SIAE: variants seen among roughly 807,000 people sequenced by gnomAD.
SIAE encodes the protein sialate O-acetylesterase.
SIAE carries 39 observed loss-of-function variants against 52.6 expected under a neutral mutation model. The ratio of observed to expected loss-of-function variants is 0.74; its 90% confidence interval spans 0.57 to 0.97. The LOEUF (loss-of-function observed/expected upper bound fraction) is 0.97. Ranked by LOEUF, SIAE falls within the 50% of genes least tolerant of loss-of-function variation. The pLI, the probability that SIAE is intolerant of heterozygous loss-of-function variation, is 0.00. For missense variants in SIAE, 592 were observed against 662.1 expected (o/e 0.89, Z 1.16); for synonymous variants, 233 against 241.4 (o/e 0.97, Z 0.32).
intron 1 of SIAE, 40 bp downstream of exon 1, chr11:124,673,602 G>T (rs377130164): frequency 3.7e-6 from 6 of 1,602,870 alleles, no homozygotes; most frequent in Non-Finnish European, 5.1e-6. Flanking sequence ...AGCCCGCACA[G>T]GCTGAGGGGC....
intron 3 of SIAE, chr11:124,659,874 CAT>C (rs1943160680): frequency 2.0e-5 from 3 of 152,058 alleles, no homozygotes; most frequent in Non-Finnish European, 2.9e-5. Context: ...AACAATAAAT[CAT>C]AGAGTATACA....
intron 6 of SIAE, among the ~76,000 whole-genome samples, 161 bp from the exon 7 acceptor site, chr11:124,647,659 AC>A (rs1466120687): frequency 6.6e-6 from 1 of 152,154 alleles, no homozygotes; most frequent in East Asian, 1.9e-4. Flanking sequence ...TGTGGTACGA[AC>A]AGAGGCTTGA....
rs1942759580 is a variant in SIAE, at chr11:124,637,116, A to C, written c.1407T>G (p.Asp469Glu). The change falls in exon 10 of 10, where the codon GAT becomes GAG. Residue 469 changes from aspartate (D) to glutamate (E), a missense_variant. Physicochemically the swap from Asp to Glu is conservative, Grantham distance 45. Transcript: ENST00000263593. ...GAGCAACCACAGTGCCATGACAAGA[A>C]TCGATCGCCAGGGTCAGGGACTGGG... ...VSTQSLTLAI[D>E]SCHGTVVALR... 2 of 1,614,084 alleles carry C rather than the reference A, an allele frequency of 1.2e-6. No individual in the cohort carries two copies. The highest frequency in any genetic ancestry group is 1.3e-5 in the African/African-American group (1 of 74,926).
In SIAE at chr11:124,647,941, C is replaced by G. The variant is rs958986606; in HGVS notation, c.832+125G>C. ...AGACATAAAAACTACCCTGCTCACC[C>G]ACAGAACAGTGAGCTGAATAAAATT... On this transcript the variant is annotated intron_variant, in intron 6 of 9. Coordinates refer to ENST00000263593, the MANE Select transcript of SIAE (RefSeq NM_170601.5). 5.0e-5 allele frequency: 40 copies of G among 807,602 alleles called. 1 individual carries two copies. The South Asian group carries it at 5.6e-4, about 11-fold the overall frequency. The allele number at this position is 807,602 out of a possible 1,614,324, so 50.0% of individuals were successfully genotyped here.
At chr11:124,672,167 C>A (rs986443183) in intron 1 of SIAE, among the ~76,000 whole-genome samples, 1 of 152,184 alleles carries the variant, frequency 6.6e-6, no homozygotes, top group Admixed American at 6.5e-5. Context: ...CCCACCTCAG[C>A]CTCCCAAAGT....
At chr11:124,674,773 G>A (rs2134402866), upstream of SIAE, 1 of 153,942 alleles carries the variant, frequency 6.5e-6, no homozygotes, top group Admixed American at 6.5e-5. Flanking sequence ...TGGCAGCAAG[G>A]GGAAAGATTG....
chr11:124,673,522 A>T, intron 1 of SIAE, 120 bp downstream of exon 1: 2 of 1,195,470 alleles, frequency 1.7e-6, no homozygotes, highest in Non-Finnish European at 2.4e-6. Context: ...CCCCTAGCCT[A>T]GCTAGGTTCC....
At position 124,642,671 on chromosome 11, in the gene SIAE, T is replaced by C. The variant is rs182237923; in HGVS notation, c.967-2804A>G. ...GTGGTAGGGGGAACTCGTAATTTGA[T>C]TCTAACCAATAGGCTATGGCAAAGG... On this transcript the variant is annotated intron_variant, in intron 7 of 9. Transcript: ENST00000263593. Among the ~76,000 whole-genome samples, 3 of 152,316 alleles carry C rather than the reference T, an allele frequency of 2.0e-5. No homozygotes were observed. The East Asian group carries it at 5.8e-4, about 29-fold the overall frequency.
chr11:124,669,527 A>T lies in SIAE; in HGVS notation c.68-6T>A, dbSNP rs1280488577. On this transcript the variant is annotated splice_polypyrimidine_tract_variant and splice_region_variant and intron_variant, in intron 1 of 9. Coordinates refer to ENST00000263593, the MANE Select transcript of SIAE (RefSeq NM_170601.5). ...AGCAAAGCGAAAACCAATACCTAAA[A>T]AATTTAACAAACACTGAGGGAAGCA... 1 of 1,612,784 alleles carries T rather than the reference A, an allele frequency of 6.2e-7. No individual in the cohort carries two copies. Among genetic ancestry groups the T allele is most frequent in the Admixed American group, 1.7e-5 (1 of 60,020 alleles).
chr11:124,662,116 C>T (rs1360365475), intron 2 of SIAE, among the ~76,000 whole-genome samples: 3 of 152,230 alleles, frequency 2.0e-5, no homozygotes, highest in Admixed American at 6.5e-5. Context: ...GCTTGCTACT[C>T]CCATCCCTAA....
intron 3 of SIAE, among the ~76,000 whole-genome samples, chr11:124,655,784 T>A (rs2134375780): frequency 6.6e-6 from 1 of 152,316 alleles, no homozygotes; most frequent in South Asian, 2.1e-4. Flanking sequence ...GGCATATTTG[T>A]TTATAGCCTA....
Position 124,654,739 on chromosome 11 carries a change from T to G in SIAE, c.460A>C (p.Ile154Leu), listed in dbSNP as rs771609279. The change falls in exon 4 of 10, where the codon ATC becomes CTC. Residue 154 changes from isoleucine (I) to leucine (L), a missense_variant. Ile to Leu is a conservative substitution (Grantham distance 5). Transcript: ENST00000263593. ...SNTAAYQSVR[I>L]LSVSPIQAEQ... ...GCTTGAATGGGAGAGACAGAGAGGA[T>G]GCGGACAGACTGATATGCCGCAGTG... 10 of 1,614,000 alleles carry G rather than the reference T, an allele frequency of 6.2e-6. No individual in the cohort carries two copies. The highest frequency in any genetic ancestry group is 8.5e-6 in the Non-Finnish European group (10 of 1,180,032).
rs763748717 is a variant in SIAE at position 124,638,560 on chromosome 11, CT to C, written c.1301del (p.Lys434ArgfsTer23). ...TYYQQIQVQKKDNKIFEISCC... is the reference protein window; with the variant it reads ...TYYQQIQVQKXDNKIFEISCC... ...TTCTCACCTCAAATATCTTGTTGTCCTTTTTCTGCACCTGGATTTGCTGGTA... is the reference window on the plus strand; with the variant it reads ...TTCTCACCTCAAATATCTTGTTGTCCTTTTCTGCACCTGGATTTGCTGGTA... On this transcript the variant is annotated frameshift_variant, in exon 9 of 10. Coordinates refer to ENST00000263593, the MANE Select transcript of SIAE (RefSeq NM_170601.5). LOFTEE classifies it low-confidence loss of function (END_TRUNC). 6.2e-7 allele frequency: 1 copy of C among 1,614,152 alleles called. No homozygotes were observed. Among genetic ancestry groups the C allele is most frequent in the Non-Finnish European group, 8.5e-7 (1 of 1,180,018 alleles).
upstream of SIAE, chr11:124,675,223 TTAATG>T: frequency 6.3e-7 from 1 of 1,592,350 alleles, no homozygotes; most frequent in Non-Finnish European, 8.5e-7. Flanking sequence ...ACAGTACTCT[TTAATG>T]AATCTTTAGG....
At position 124,654,731 on chromosome 11, in the gene SIAE, A is replaced by G. The variant is rs1942663; in HGVS notation, c.468T>C (p.Ser156=). Residue 156 remains serine (S), a synonymous_variant, in exon 4 of 10, where the codon TCT becomes TCC. Transcript: ENST00000263593. ...CCTGCTCTGCTTGAATGGGAGAGAC[A>G]GAGAGGATGCGGACAGACTGATATG... ...TAAYQSVRIL[S]VSPIQAEQEL... 0.055 allele frequency: 89,002 copies of G among 1,613,912 alleles called. 12,958 individuals are homozygous for G. In the African/African-American group the frequency reaches 0.55, roughly 10 times the overall value.
At chr11:124,664,103 G>C (rs1001489406) in intron 2 of SIAE, among the ~76,000 whole-genome samples, 1 of 152,120 alleles carries the variant, frequency 6.6e-6, no homozygotes, top group African/African-American at 2.4e-5. Flanking sequence ...AGAGTGCTTA[G>C]TGTGCCAGGC....
chr11:124,673,618 T>G, intron 1 of SIAE, 24 bp downstream of exon 1: 1 of 1,609,416 alleles, frequency 6.2e-7, no homozygotes. Context: ...GGGGCAGGGG[T>G]CCGGCCGAGC....
intron 2 of SIAE, among the ~76,000 whole-genome samples, chr11:124,661,440 TA>T (rs2134383535): frequency 6.6e-6 from 1 of 152,286 alleles, no homozygotes; most frequent in African/African-American, 2.4e-5. Context: ...TTTGCCCAAT[TA>T]ATTATTTTCA....
At chr11:124,673,560 A>T (rs1007651929) in intron 1 of SIAE, 82 bp downstream of exon 1, 2 of 1,479,172 alleles carry the variant, frequency 1.4e-6, no homozygotes, top group Non-Finnish European at 1.9e-6. Context: ...AGGGGCGCGG[A>T]TCCGTGTCCC....
Sources: allele counts gnomAD v4.1 joint callset (sites outside exome capture counted in the v4.1 genomes callset), GRCh38; gene constraint gnomAD v4.1.1; transcripts MANE v1.5; gene names NCBI Gene and HGNC (gene_info 2026-07-23, HGNC 2026-07-21).